The following SRBD1 variants were observed in gnomAD, a reference collection of about 807,000 sequenced individuals.
The protein encoded by SRBD1 is S1 RNA-binding domain-containing protein 1.
A neutral mutation model predicts 115.3 loss-of-function variants in SRBD1; 88 were observed. That is an observed-to-expected ratio of 0.76 (90% confidence interval 0.64 to 0.91). The LOEUF (loss-of-function observed/expected upper bound fraction) is 0.91. Ranked by LOEUF, SRBD1 falls within the 40% of genes least tolerant of loss-of-function variation. SRBD1 has a pLI of 0.00. For missense variants in SRBD1, 1,385 were observed against 1,177.4 expected (o/e 1.18, Z -2.58); for synonymous variants, 509 against 407.7 (o/e 1.25, Z -2.99).
chr2:45,404,680 G>A (rs903025025), intron 19 of SRBD1, among the ~76,000 whole-genome samples: 2 of 152,052 alleles, frequency 1.3e-5, no homozygotes, highest in Non-Finnish European at 2.9e-5. Flanking sequence ...TGGTCTCCCT[G>A]CTTCTACCAC....
chr2:45,582,364 C>T (rs534164034), intron 5 of SRBD1, among the ~76,000 whole-genome samples: 3 of 152,212 alleles, frequency 2.0e-5, no homozygotes, highest in South Asian at 2.1e-4. Context: ...TCTTACTACA[C>T]GTTATTAGGT....
At chr2:45,467,497 G>A (rs1287087112) in intron 16 of SRBD1, among the ~76,000 whole-genome samples, 1 of 152,146 alleles carries the variant, frequency 6.6e-6, no homozygotes, top group Non-Finnish European at 1.5e-5. Context: ...ACTCTGCCCT[G>A]TATATAAGCA....
intron 14 of SRBD1, among the ~76,000 whole-genome samples, chr2:45,535,541 G>A (rs962222307): frequency 5.3e-5 from 8 of 151,638 alleles, no homozygotes; most frequent in Non-Finnish European, 7.4e-5. Context: ...TCATCTCCAA[G>A]CTTCCACAAT....
chr2:45,448,136 T>G (rs1170176181), intron 16 of SRBD1: 1 of 152,172 alleles, frequency 6.6e-6, no homozygotes, highest in Non-Finnish European at 1.5e-5. Flanking sequence ...ATATAATCAT[T>G]CTGCATATAA....
intron 1 of SRBD1, 69 bp downstream of exon 1, chr2:45,611,150 A>C (rs1674438473): frequency 6.6e-6 from 1 of 152,168 alleles, no homozygotes; most frequent in Non-Finnish European, 1.5e-5. Context: ...GGCCCCAAAG[A>C]TCCCGGAGCC....
chr2:45,546,702 C>T, intron 14 of SRBD1, 30 bp downstream of exon 14: 2 of 1,603,752 alleles, frequency 1.2e-6, no homozygotes, highest in Non-Finnish European at 1.7e-6. Context: ...CATGCTTCTC[C>T]AAGAAAAGAG....
intron 19 of SRBD1, among the ~76,000 whole-genome samples, chr2:45,408,956 C>G (rs914370828): frequency 5.3e-5 from 8 of 152,164 alleles, no homozygotes; most frequent in African/African-American, 1.9e-4. Context: ...GGTGCAGTGG[C>G]TCACGCCTAT....
At chr2:45,490,894 A>G (rs1486370423) in intron 14 of SRBD1, among the ~76,000 whole-genome samples, 1 of 152,214 alleles carries the variant, frequency 6.6e-6, no homozygotes, top group Non-Finnish European at 1.5e-5. Context: ...AATGTAGTAA[A>G]TTTCATATGC....
chr2:45,498,725 T>C (rs979969110), intron 14 of SRBD1, among the ~76,000 whole-genome samples: 1 of 152,170 alleles, frequency 6.6e-6, no homozygotes, highest in Non-Finnish European at 1.5e-5. Context: ...TTGTCTCCCA[T>C]ATGAGTGAGA....
intron 14 of SRBD1, among the ~76,000 whole-genome samples, chr2:45,498,964 C>T (rs748382580): frequency 5.9e-5 from 9 of 152,240 alleles, no homozygotes; most frequent in East Asian, 3.9e-4. Flanking sequence ...CATGGGAGTA[C>T]GATACCTCTT....
Position 45,599,591 on chromosome 2 carries a change from T to G in SRBD1, c.506A>C (p.Glu169Ala), listed in dbSNP as rs765431513. ...TVWGGTCKKEENDDDFTFGQS... is the reference protein window; with the variant it reads ...TVWGGTCKKEANDDDFTFGQS... ...ACCAAATGTAAAGTCATCGTCATTC[T>G]CTTCCTTCTTGCATGTACCTCCCCA... The change falls in exon 4 of 21, where the codon GAG (glutamate) becomes GCG (alanine). Residue 169 changes from glutamate to alanine, a missense_variant. Transcript: ENST00000263736. 1 of 1,614,206 alleles carries G rather than the reference T, an allele frequency of 6.2e-7. No individual in the cohort carries two copies. The highest frequency in any genetic ancestry group is 1.1e-5 in the South Asian group (1 of 91,086).
At chr2:45,528,779 G>C (rs767571419) in intron 14 of SRBD1, among the ~76,000 whole-genome samples, 1 of 151,770 alleles carries the variant, frequency 6.6e-6, no homozygotes, top group African/African-American at 2.4e-5. Context: ...GTGGGGAAGA[G>C]GTACAAGAAT....
At chr2:45,427,207 A>ACAT (rs1159042112) in intron 16 of SRBD1, among the ~76,000 whole-genome samples, 101 of 151,962 alleles carry the variant, frequency 6.6e-4, no homozygotes, top group Non-Finnish European at 1.2e-3. Flanking sequence ...ATGAAGCTGA[A>ACAT]AAACACCGCA....
chr2:45,419,749 C>T, intron 17 of SRBD1, 39 bp downstream of exon 17: 2 of 1,592,274 alleles, frequency 1.3e-6, no homozygotes, highest in Non-Finnish European at 1.7e-6. Flanking sequence ...GCCAGTTAAA[C>T]TCAAGATTCT....
At chr2:45,555,993 C>A (rs1055726174) in intron 10 of SRBD1, among the ~76,000 whole-genome samples, 1 of 152,136 alleles carries the variant, frequency 6.6e-6, no homozygotes, top group African/African-American at 2.4e-5. Context: ...ACTCTCATCC[C>A]CTTTACTTAT....
At chr2:45,504,708 T>C (rs1260129984) in intron 14 of SRBD1, among the ~76,000 whole-genome samples, 1 of 152,152 alleles carries the variant, frequency 6.6e-6, no homozygotes, top group Non-Finnish European at 1.5e-5. Context: ...TTATTACTAA[T>C]CAGTCCTCTA....
At chr2:45,546,708 A>C in intron 14 of SRBD1, 24 bp downstream of exon 14, 2 of 1,606,170 alleles carry the variant, frequency 1.2e-6, no homozygotes, top group African/African-American at 2.7e-5. Flanking sequence ...TCTCCAAGAA[A>C]AGAGATATAT....
At chr2:45,452,925 C>T (rs1011427888) in intron 16 of SRBD1, among the ~76,000 whole-genome samples, 3 of 151,976 alleles carry the variant, frequency 2.0e-5, no homozygotes, top group Non-Finnish European at 4.4e-5. Flanking sequence ...AGCTATCACA[C>T]AAGGCATTCA....
chr2:45,586,432 T>A (rs562370247), intron 4 of SRBD1, among the ~76,000 whole-genome samples: 16 of 152,322 alleles, frequency 1.1e-4, no homozygotes, highest in Non-Finnish European at 1.9e-4. Context: ...TCACAAGATC[T>A]GGAAATAAAA....
Sources: gnomAD v4.1 joint callset for allele counts (sites outside exome capture counted in the v4.1 genomes callset) on GRCh38, gnomAD v4.1.1 for gene constraint, MANE v1.5 for transcripts, NCBI Gene and HGNC (gene_info 2026-07-23, HGNC 2026-07-21) for gene names.